The following CRAT variants were observed in gnomAD, a reference collection of about 807,000 sequenced individuals.
The protein encoded by CRAT is carnitine acetylase.
In CRAT, 66 loss-of-function variants were observed where a neutral mutation model predicts 73.7. The ratio of observed to expected loss-of-function variants is 0.90; its 90% CI spans 0.73 to 1.10. The LOEUF (loss-of-function observed/expected upper bound fraction) is 1.10. CRAT is among the 50% of genes least tolerant of loss of function. The pLI is 0.00. For missense variants in CRAT, 745 were observed against 846.9 expected, an observed-to-expected ratio of 0.88 and a Z score of 1.49; for synonymous variants, 321 against 343.2, an observed-to-expected ratio of 0.94 and a Z score of 0.71.
intron 6 of CRAT, among the ~76,000 whole-genome samples, 174 bp from the exon 7 acceptor site, chr9:129,100,863 T>C (rs1009136925): frequency 6.6e-6 from 1 of 152,112 alleles, no homozygotes; most frequent in Non-Finnish European, 1.5e-5. Flanking sequence ...GTGCAGGGTG[T>C]GGGTTCAGAG....
chr9:129,104,577 G>A (rs1402994810), intron 2 of CRAT, among the ~76,000 whole-genome samples: 1 of 150,612 alleles, frequency 6.6e-6, no homozygotes, highest in African/African-American at 2.4e-5. Flanking sequence ...GAAACCCGGG[G>A]TGTGGGGAGG....
chr9:129,096,079 G>A lies in CRAT; in HGVS notation c.1584C>T (p.Ile528=), dbSNP rs771266095. The change falls in exon 13 of 14, where the codon ATC becomes ATT. Residue 528 remains isoleucine (I), a synonymous_variant. Transcript: ENST00000318080. ...RHLLGLKLQA[I]EDLVSMPDIF... Reference sequence around the variant, plus strand: ...TGTCGGGCATGCTCACCAGGTCCTCGATGGCCTGCAGCTTCAGGCCCAGCA... The same window carrying A: ...TGTCGGGCATGCTCACCAGGTCCTCAATGGCCTGCAGCTTCAGGCCCAGCA... The A allele has an allele frequency of 3.7e-6, 6 of 1,613,960 alleles. No homozygotes were observed. The highest frequency in any genetic ancestry group is 2.2e-5 in the South Asian group (2 of 91,088).
In CRAT at chr9:129,110,376, G is replaced by T. The variant is rs1848343046; in HGVS notation, c.27+107C>A. 2 of 1,210,912 alleles carry T rather than the reference G, an allele frequency of 1.7e-6. No individual in the cohort carries two copies. Among genetic ancestry groups the T allele is most frequent in the Non-Finnish European group, 2.2e-6 (2 of 903,018 alleles). 75.0% of individuals were successfully genotyped at this position (1,210,912 alleles called of 1,614,324 possible). A position where few individuals can be genotyped will look rare whatever the true frequency, so the allele number is the denominator to read the frequency against. ...GCCTGACCCCACCCCATCAGCTGGA[G>T]GCCGGGTCGAACAGCGGCCGCAGGA... On this transcript the variant is annotated intron_variant, in intron 1 of 13. Transcript: ENST00000318080. This position sits in a 1 kb window ranked among gnomAD's most constrained non-coding sequence, Gnocchi z 5.3.
rs1171003126 is a variant in CRAT at position 129,102,583 on chromosome 9, A to G, written c.465-18T>C. ...GGGTCTCGCTATGGGGTAGAGGGGC[A>G]GTGAGGCCACCACTGGGCAAGTGAA... is the stretch of plus-strand genomic sequence containing the variant. On this transcript the variant is annotated intron_variant, in intron 4 of 13. Coordinates refer to ENST00000318080, the MANE Select transcript of CRAT (RefSeq NM_000755.5). 1.9e-6 allele frequency: 3 copies of G among 1,613,084 alleles called. No individual in the cohort carries two copies. The highest frequency in any genetic ancestry group is 2.5e-6 in the Non-Finnish European group (3 of 1,179,322).
In CRAT at chr9:129,098,916, C is replaced by T. The variant is rs144462232; in HGVS notation, c.1086-266G>A. Among the ~76,000 whole-genome samples, 683 of 150,026 alleles carry T rather than the reference C, an allele frequency of 4.6e-3. 5 individuals are homozygous for T. The highest frequency in any genetic ancestry group is 0.015 in the African/African-American group (627 of 40,584). On this transcript the variant is annotated intron_variant, in intron 8 of 13. Coordinates refer to ENST00000318080, the MANE Select transcript of CRAT (RefSeq NM_000755.5). ...GCAACCTTGGCCTCCCTGGTTCAAG[C>T]GATTCTCCTGCCTCAGCCTCCTGAG...
Position 129,097,314 on chromosome 9 carries a change from T to G in CRAT, c.1465-2A>C. 6.4e-7 allele frequency: 1 copy of G among 1,564,560 alleles called. No homozygotes were observed. Among genetic ancestry groups the G allele is most frequent in the Non-Finnish European group, 8.7e-7 (1 of 1,154,862 alleles). On this transcript the variant is annotated splice_acceptor_variant, in intron 11 of 13. Coordinates refer to ENST00000318080, the MANE Select transcript of CRAT (RefSeq NM_000755.5). LOFTEE classifies it high-confidence loss of function. ...CAGCAGCTCCACCTTCTGGTGCTCC[T>G]AGAGTGGTGAGGGTCAGAGGGAGCT...
Position 129,103,158 on chromosome 9 carries a change from TCTTCCAGCCTCTCTCACCG to T in CRAT, c.411-111_411-93del. On this transcript the variant is annotated intron_variant, in intron 3 of 13. Transcript: ENST00000318080. This position sits in a 1 kb window ranked among gnomAD's most constrained non-coding sequence, Gnocchi z 4.6. ...CCTGCTTGGGGAGCGGGAGGTCTAG[TCTTCCAGCCTCTCTCACCG>T]CTTCCAGAAAGCCTGGGAGCGCAAG... is the stretch of plus-strand genomic sequence containing the variant. 1 of 1,062,332 alleles carries T rather than the reference TCTTCCAGCCTCTCTCACCG, an allele frequency of 9.4e-7. No individual in the cohort carries two copies. The highest frequency in any genetic ancestry group is 2.4e-5 in the East Asian group (1 of 42,066). 65.8% of individuals were successfully genotyped at this position (1,062,332 alleles called of 1,614,324 possible).
In CRAT at chr9:129,096,086, T is replaced by C. The variant is rs1415746000; in HGVS notation, c.1577A>G (p.Gln526Arg). The change falls in exon 13 of 14, where the codon CAG (glutamine) becomes CGG (arginine). Residue 526 changes from glutamine to arginine, a missense_variant. Transcript: ENST00000318080. ...FDRHLLGLKL[Q>R]AIEDLVSMPD... ...CATGCTCACCAGGTCCTCGATGGCC[T>C]GCAGCTTCAGGCCCAGCAGGTGTCG... The C allele has an allele frequency of 3.1e-6, 5 of 1,613,934 alleles. No individual in the cohort carries two copies. Among genetic ancestry groups the C allele is most frequent in the Non-Finnish European group, 4.2e-6 (5 of 1,180,034 alleles).
Position 129,110,705 on chromosome 9 carries a change from G to T in CRAT, c.-196C>A. ...CCGAGCGGGCTGCGGGAAGGCACCCGGGGAGGAGGACTCGCGAGGCGGGGC... is the reference window on the plus strand; with the variant it reads ...CCGAGCGGGCTGCGGGAAGGCACCCTGGGAGGAGGACTCGCGAGGCGGGGC... On this transcript the variant is annotated 5_prime_UTR_variant, in exon 1 of 14. Coordinates refer to ENST00000318080, the MANE Select transcript of CRAT (RefSeq NM_000755.5). The surrounding 1 kb of genome is among the most constrained non-coding windows in gnomAD (Gnocchi z 5.3). The T allele has an allele frequency of 1.5e-6, 1 of 665,376 alleles. No homozygotes were observed. Among genetic ancestry groups the T allele is most frequent in the Non-Finnish European group, 2.3e-6 (1 of 429,594 alleles). The allele number at this position is 665,376 out of a possible 1,614,324, so 41.2% of individuals were successfully genotyped here. A position where few individuals can be genotyped will look rare whatever the true frequency, so the allele number is the denominator to read the frequency against.
intron 11 of CRAT, 139 bp downstream of exon 11, chr9:129,097,874 C>T (rs755383957): frequency 3.8e-5 from 48 of 1,257,766 alleles, no homozygotes; most frequent in Admixed American, 1.8e-4. Context: ...GCTAGATTCA[C>T]GGCTCCAGCT....
rs750835473 is a variant in CRAT at position 129,099,986 on chromosome 9, C to T, written c.985-20G>A. 2 of 1,609,174 alleles carry T rather than the reference C, an allele frequency of 1.2e-6. No homozygotes were observed. The highest frequency in any genetic ancestry group is 2.2e-5 in the South Asian group (2 of 90,936). On this transcript the variant is annotated intron_variant, in intron 7 of 13. Transcript: ENST00000318080. ...GATGAACTGTGGAAGGGAAGGGAGA[C>T]CCCGGTCAGCCCCAGGGCCCTGGGG...
Position 129,096,056 on chromosome 9 carries a change from T to C in CRAT, c.1607A>G (p.Asp536Gly). 3 of 1,614,028 alleles carry C rather than the reference T, an allele frequency of 1.9e-6. No homozygotes were observed. Among genetic ancestry groups the C allele is most frequent in the Non-Finnish European group, 2.5e-6 (3 of 1,180,028 alleles). ...GGCGTAGGAGGTGTCCATGAAGATG[T>C]CGGGCATGCTCACCAGGTCCTCGAT... ...QAIEDLVSMP[D>G]IFMDTSYAIA... is the part of the protein sequence containing the mutation. The change falls in exon 13 of 14, where the codon GAC becomes GGC. Residue 536 changes from aspartate (D) to glycine (G), a missense_variant. By Grantham distance (94) the Asp-to-Gly change is moderately conservative. Coordinates refer to ENST00000318080, the MANE Select transcript of CRAT (RefSeq NM_000755.5).
rs1847807019 is a variant in CRAT, at chr9:129,103,312, A to G, written c.411-246T>C. Among the ~76,000 whole-genome samples the G allele has an allele frequency of 6.6e-6, 1 of 152,138 alleles. No homozygotes were observed. Among genetic ancestry groups the G allele is most frequent in the Admixed American group, 6.5e-5 (1 of 15,274 alleles). On this transcript the variant is annotated intron_variant, in intron 3 of 13. Coordinates refer to ENST00000318080, the MANE Select transcript of CRAT (RefSeq NM_000755.5). The surrounding 1 kb of genome is among the most constrained non-coding windows in gnomAD (Gnocchi z 4.6). The stretch of plus-strand genomic sequence containing the variant: ...AAGTGCTGGTGGCCAAGGGCCTAGT[A>G]GGACTTGGGTGCTGGCCCCCTGCAG...
chr9:129,107,973 C>T lies in CRAT; in HGVS notation c.132G>A (p.Gln44=). The part of the protein sequence containing the change: ...ALPRLPVPPL[Q]QSLDHYLKAL... ...CCTTCAGGTAGTGGTCCAGGGACTG[C>T]TGGAGAGGGGGCACGGGCAGCCGTG... The change falls in exon 2 of 14, where the codon CAG becomes CAA. Residue 44 remains glutamine, a synonymous_variant. Coordinates refer to ENST00000318080, the MANE Select transcript of CRAT (RefSeq NM_000755.5). This position sits in a 1 kb window ranked among gnomAD's most constrained non-coding sequence, Gnocchi z 5.0. 6.2e-7 allele frequency: 1 copy of T among 1,604,338 alleles called. No individual in the cohort carries two copies.
intron 3 of CRAT, 27 bp downstream of exon 3, chr9:129,104,161 C>T (rs547849725): frequency 1.3e-6 from 2 of 1,567,774 alleles, no homozygotes; most frequent in Admixed American, 3.5e-5. Flanking sequence ...CCGGCTGCCT[C>T]CTGGCCCCCA....
At chr9:129,105,811 A>T (rs1847977710) in intron 2 of CRAT, among the ~76,000 whole-genome samples, 1 of 152,046 alleles carries the variant, frequency 6.6e-6, no homozygotes, top group South Asian at 2.1e-4. Context: ...GATGTGGGTG[A>T]CACATCCTTA....
At position 129,104,189 on chromosome 9, in the gene CRAT, G is replaced by A. The variant is rs1346544210; in HGVS notation, c.409C>T (p.Arg137Ter). ...QDFVDLQGQL[R>*]FAAKLIEGVL... The stretch of plus-strand genomic sequence containing the variant: ...GGCCCCCAAACCCCAGCCACTCACC[G>A]GAGCTGACCCTGCAGGTCCACGAAG... The change falls in exon 3 of 14, where the codon CGA (arginine) becomes TGA (stop). Residue 137 changes from arginine (R) to a stop codon, truncating the protein, a stop_gained and splice_region_variant. Coordinates refer to ENST00000318080, the MANE Select transcript of CRAT (RefSeq NM_000755.5). LOFTEE classifies it high-confidence loss of function. 4 of 1,604,948 alleles carry A rather than the reference G, an allele frequency of 2.5e-6. No individual in the cohort carries two copies. Among genetic ancestry groups the A allele is most frequent in the Non-Finnish European group, 3.4e-6 (4 of 1,176,010 alleles).
rs1008254700 is a variant in CRAT at position 129,110,641 on chromosome 9, C to T, written c.-132G>A. On this transcript the variant is annotated 5_prime_UTR_variant, in exon 1 of 14. Transcript: ENST00000318080. This position sits in a 1 kb window ranked among gnomAD's most constrained non-coding sequence, Gnocchi z 5.3. Reference sequence around the variant, plus strand: ...CGGGCCAAGGTCGCTGAGTTACAGCCGCCAGCCGGTAGAGGCAGCCCCGCG... The same window carrying T: ...CGGGCCAAGGTCGCTGAGTTACAGCTGCCAGCCGGTAGAGGCAGCCCCGCG... The T allele has an allele frequency of 5.3e-6, 6 of 1,138,058 alleles. No individual in the cohort carries two copies. The highest frequency in any genetic ancestry group is 7.0e-6 in the Non-Finnish European group (6 of 855,262). The allele number at this position is 1,138,058 out of a possible 1,614,324, so 70.5% of individuals were successfully genotyped here. A position where few individuals can be genotyped will look rare whatever the true frequency, so the allele number is the denominator to read the frequency against.
At chr9:129,098,996 A>C (rs60145585) in intron 8 of CRAT, among the ~76,000 whole-genome samples, 91,496 of 149,566 alleles carry the variant, frequency 0.61, 29,693 homozygotes, top group Non-Finnish European at 0.72. Flanking sequence ...TTTTCTTTTG[A>C]GACAGAGTCT....
Sources: allele counts gnomAD v4.1 joint callset (sites outside exome capture counted in the v4.1 genomes callset), GRCh38; gene constraint gnomAD v4.1.1; non-coding constraint Gnocchi (gnomAD v3.1); transcripts MANE v1.5; gene names NCBI Gene and HGNC (gene_info 2026-07-23, HGNC 2026-07-21).